Variants in AK7 observed in about 807,000 individuals in gnomAD.
AK7 encodes adenylate kinase 7.
AK7 carries 78 observed loss-of-function variants against 96.6 expected under a neutral mutation model. That is an observed-to-expected ratio of 0.81 (90% confidence interval 0.67 to 0.97). AK7 has a LOEUF of 0.97. AK7 is among the 50% of genes least tolerant of loss of function. AK7 has a pLI of 0.00. For missense variants in AK7, 855 were observed against 887.9 expected, an observed-to-expected ratio of 0.96 and a Z score of 0.47; for synonymous variants, 302 against 317.2, an observed-to-expected ratio of 0.95 and a Z score of 0.51.
intron 6 of AK7, 150 bp downstream of exon 6, chr14:96,438,065 C>A (rs563808145): frequency 1.4e-4 from 78 of 561,950 alleles, no homozygotes; most frequent in Non-Finnish European, 2.2e-4. Context: ...CAAAGACCTA[C>A]GTTTCTTTCC....
chr14:96,431,246 T>C (rs1243850255), intron 5 of AK7, among the ~76,000 whole-genome samples: 1 of 152,226 alleles, frequency 6.6e-6, no homozygotes, highest in Non-Finnish European at 1.5e-5. Flanking sequence ...GGTTTTTTTG[T>C]GTCTCTGTCT....
chr14:96,476,021 C>T (rs1055320453), intron 14 of AK7, among the ~76,000 whole-genome samples: 12 of 150,500 alleles, frequency 8.0e-5, no homozygotes, highest in Non-Finnish European at 7.4e-5. Flanking sequence ...GCATAAGATA[C>T]AGAAAATAAA....
At position 96,471,244 on chromosome 14, in the gene AK7, A is replaced by G. The variant is rs553237837; in HGVS notation, c.1358-234A>G. 8.0e-5 allele frequency among the ~76,000 whole-genome samples: 12 copies of G among 149,108 alleles called. No homozygotes were observed. In the East Asian group the frequency reaches 2.3e-3, roughly 28 times the overall value. Reference sequence around the variant, plus strand: ...CTACTTGGGAGGCTGAGGTGGGAAGATTGCAGAGCCTGGGAGGCTGAGACT... The same window carrying G: ...CTACTTGGGAGGCTGAGGTGGGAAGGTTGCAGAGCCTGGGAGGCTGAGACT... On this transcript the variant is annotated intron_variant, in intron 12 of 17. Coordinates refer to ENST00000267584, the MANE Select transcript of AK7 (RefSeq NM_152327.5).
At chr14:96,407,306 T>C (rs1426306932) in intron 3 of AK7, among the ~76,000 whole-genome samples, 1 of 152,210 alleles carries the variant, frequency 6.6e-6, no homozygotes, top group African/African-American at 2.4e-5. Flanking sequence ...GAGACAATTT[T>C]TGTTATTAGA....
chr14:96,413,031 A>T (rs999388428), intron 4 of AK7, among the ~76,000 whole-genome samples: 4 of 152,200 alleles, frequency 2.6e-5, no homozygotes, highest in African/African-American at 9.7e-5. Flanking sequence ...CCCCCAGTAC[A>T]CAAATTGTAT....
At chr14:96,475,528 G>T (rs1008327282) in intron 14 of AK7, among the ~76,000 whole-genome samples, 1 of 152,198 alleles carries the variant, frequency 6.6e-6, no homozygotes, top group East Asian at 1.9e-4. Flanking sequence ...TAGGGCAAGG[G>T]AAATACTGGC....
intron 2 of AK7, chr14:96,398,500 G>A: frequency 1.9e-6 from 1 of 540,268 alleles, no homozygotes; most frequent in African/African-American, 1.9e-5. Flanking sequence ...ATCTAAGTTG[G>A]ACTTTCAGAC....
At chr14:96,456,539 A>G in intron 11 of AK7, 64 bp downstream of exon 11, 1 of 1,556,110 alleles carries the variant, frequency 6.4e-7, no homozygotes. Context: ...TAGGGTATAA[A>G]GATGTATATG....
intron 3 of AK7, 112 bp from the exon 4 acceptor site, chr14:96,408,735 G>A: frequency 1.2e-6 from 1 of 858,510 alleles, no homozygotes; most frequent in Admixed American, 2.3e-5. Context: ...AAGCATCAGA[G>A]GTAACAGCAC....
chr14:96,483,266 G>T (rs1173305061), intron 16 of AK7, 47 bp downstream of exon 16: 2 of 1,544,174 alleles, frequency 1.3e-6, no homozygotes, highest in African/African-American at 1.4e-5. Context: ...TGGAACAGGG[G>T]TGCGGTGCCT....
At chr14:96,481,506 C>A in intron 15 of AK7, among the ~76,000 whole-genome samples, 1 of 151,926 alleles carries the variant, frequency 6.6e-6, no homozygotes, top group East Asian at 1.9e-4. Context: ...GCCACATGCC[C>A]AGCTAATTTT....
intron 2 of AK7, among the ~76,000 whole-genome samples, chr14:96,402,185 GCACACACACACACACA>G (rs34222287): frequency 6.8e-6 from 1 of 146,156 alleles, no homozygotes; most frequent in Admixed American, 6.9e-5. Context: ...ATACACAGAT[GCACACACACACACACA>G]CACACACACA....
intron 4 of AK7, among the ~76,000 whole-genome samples, chr14:96,416,040 G>A (rs892994368): frequency 2.6e-5 from 4 of 151,992 alleles, no homozygotes; most frequent in South Asian, 2.1e-4. Context: ...AGGGAGAAAC[G>A]GAGTCCACCA....
At chr14:96,415,803 T>A (rs2140025508) in intron 4 of AK7, among the ~76,000 whole-genome samples, 1 of 150,022 alleles carries the variant, frequency 6.7e-6, no homozygotes, top group South Asian at 2.1e-4. Flanking sequence ...ATTAATTAAA[T>A]TAATTTAATA....
intron 9 of AK7, among the ~76,000 whole-genome samples, chr14:96,450,813 C>T (rs1449967733): frequency 1.0e-4 from 13 of 124,458 alleles, no homozygotes; most frequent in African/African-American, 2.5e-4. Context: ...CTCACTCTGT[C>T]GTCCAGGCTG....
chr14:96,403,305 C>T (rs1890525414), intron 2 of AK7, among the ~76,000 whole-genome samples: 1 of 151,646 alleles, frequency 6.6e-6, no homozygotes, highest in East Asian at 1.9e-4. Flanking sequence ...GAACAGATTG[C>T]CAGCAAACAA....
chr14:96,460,842 C>T (rs756107815), intron 12 of AK7, among the ~76,000 whole-genome samples: 1 of 152,186 alleles, frequency 6.6e-6, no homozygotes, highest in Non-Finnish European at 1.5e-5. Context: ...CTGCCTGCTT[C>T]CATGGAGGTC....
chr14:96,487,383 C>CAA (rs150742803), intron 17 of AK7, among the ~76,000 whole-genome samples: 12 of 46,708 alleles, frequency 2.6e-4, no homozygotes, highest in Non-Finnish European at 3.2e-4. Context: ...GACTCCGTCT[C>CAA]AAAAAAAAAA....
At chr14:96,407,997 C>A in intron 3 of AK7, among the ~76,000 whole-genome samples, 1 of 152,076 alleles carries the variant, frequency 6.6e-6, no homozygotes. Flanking sequence ...AAGCAGCAAA[C>A]CCTTTGGAAA....
Sources: gnomAD v4.1 joint callset for allele counts (sites outside exome capture counted in the v4.1 genomes callset) on GRCh38, gnomAD v4.1.1 for gene constraint, MANE v1.5 for transcripts, NCBI Gene and HGNC (gene_info 2026-07-23, HGNC 2026-07-21) for gene names.